Variants in AACS observed in about 807,000 individuals in gnomAD.
AACS encodes acetoacetate-CoA ligase.
AACS carries 69 observed loss-of-function variants against 83.1 expected under a neutral mutation model. That is an observed-to-expected ratio of 0.83 (90% CI 0.68 to 1.01). The LOEUF is 1.01. Among genes scored for constraint, AACS ranks in the 50% least tolerant of loss-of-function variants. The pLI is 0.00. For missense variants in AACS, 866 were observed against 882.2 expected, an observed-to-expected ratio of 0.98 and a Z score of 0.23; for synonymous variants, 333 against 343.4, an observed-to-expected ratio of 0.97 and a Z score of 0.33.
At chr12:125,102,545 A>T in intron 5 of AACS, 134 bp from the exon 6 acceptor site, 1 of 754,366 alleles carries the variant, frequency 1.3e-6, no homozygotes, top group East Asian at 2.6e-5. Flanking sequence ...GCTCACTCCA[A>T]CCTTGAACTC....
At chr12:125,102,876 A>G (rs1188932012) in intron 6 of AACS, 83 bp downstream of exon 6, 3 of 1,427,492 alleles carry the variant, frequency 2.1e-6, no homozygotes, top group African/African-American at 2.8e-5. Context: ...CAATCTGGGT[A>G]GTCTCTGCCC....
At chr12:125,076,376 C>A in intron 2 of AACS, 115 bp from the exon 3 acceptor site, 1 of 1,425,910 alleles carries the variant, frequency 7.0e-7, no homozygotes, top group Non-Finnish European at 9.6e-7. Flanking sequence ...AATGAGTGAG[C>A]TGGCTTCCTG....
chr12:125,140,670 T>G lies in AACS; in HGVS notation c.1882-1422T>G, dbSNP rs1233854210. On this transcript the variant is annotated intron_variant, in intron 17 of 17. Coordinates refer to ENST00000316519, the MANE Select transcript of AACS (RefSeq NM_023928.5). The surrounding 1 kb of genome is among the most constrained non-coding windows in gnomAD (Gnocchi z 5.1). ...TCACTGGGCTCTGTTGCTCCTGAAGTTTCCTAGCCCACAACACACCAACAC... is the reference window on the plus strand; with the variant it reads ...TCACTGGGCTCTGTTGCTCCTGAAGGTTCCTAGCCCACAACACACCAACAC... 6.6e-6 allele frequency: 1 copy of G among 151,920 alleles called. No individual in the cohort carries two copies. Among genetic ancestry groups the G allele is most frequent in the Non-Finnish European group, 1.5e-5 (1 of 68,006 alleles). 9.4% of individuals were successfully genotyped at this position (151,920 alleles called of 1,614,324 possible). A position where few individuals can be genotyped will look rare whatever the true frequency, so the allele number is the denominator to read the frequency against.
chr12:125,141,844 C>A lies in AACS; in HGVS notation c.1882-248C>A, dbSNP rs898493307. 12 of 478,144 alleles carry A rather than the reference C, an allele frequency of 2.5e-5. 1 individual carries two copies. The South Asian group carries it at 3.3e-4, about 13-fold the overall frequency. The allele number at this position is 478,144 out of a possible 1,614,324, so 29.6% of individuals were successfully genotyped here. On this transcript the variant is annotated intron_variant, in intron 17 of 17. Coordinates refer to ENST00000316519, the MANE Select transcript of AACS (RefSeq NM_023928.5). The stretch of plus-strand genomic sequence containing the variant: ...GGAGAGTGTTAGAGTTGAGTTTCAG[C>A]ACCAGTCCTTGAAAGTGCCTTTCAG...
At position 125,124,913 on chromosome 12, in the gene AACS, A is replaced by T. The variant is rs41508644; in HGVS notation, c.1198A>T (p.Ser400Cys). The change falls in exon 12 of 18, where the codon AGT becomes TGT. Residue 400 changes from serine (S) to cysteine (C), a missense_variant. Ser to Cys is a moderately radical substitution (Grantham distance 112, BLOSUM62 -1). Transcript: ENST00000316519. ...ACTCTGCACCCCAGTGGAAACCCAC[A>T]GTCTCCAGATGCTCCACACGATCCT... The part of the protein sequence containing the change: ...EKAMKPVETH[S>C]LQMLHTILST... 308 of 1,614,220 alleles carry T rather than the reference A, an allele frequency of 1.9e-4. 2 individuals carry two copies. The East Asian group carries it at 6.8e-3, about 36-fold the overall frequency.
At chr12:125,070,462 G>T (rs1955830075) in intron 1 of AACS, among the ~76,000 whole-genome samples, 1 of 152,126 alleles carries the variant, frequency 6.6e-6, no homozygotes, top group African/African-American at 2.4e-5. Flanking sequence ...TCATGCCACT[G>T]CACTCCAGCC....
chr12:125,071,479 G>C (rs1282898007), intron 1 of AACS, among the ~76,000 whole-genome samples: 2 of 152,158 alleles, frequency 1.3e-5, no homozygotes, highest in Non-Finnish European at 2.9e-5. Flanking sequence ...CATATACTAG[G>C]TAGAAAAATT....
chr12:125,068,430 G>A (rs1405185731), intron 1 of AACS, among the ~76,000 whole-genome samples: 2 of 152,204 alleles, frequency 1.3e-5, no homozygotes, highest in Non-Finnish European at 2.9e-5. Context: ...CTGCACTGCA[G>A]CCTGGGCGAC....
chr12:125,081,418 C>T (rs1003530664), intron 3 of AACS, among the ~76,000 whole-genome samples: 4 of 152,150 alleles, frequency 2.6e-5, no homozygotes, highest in African/African-American at 4.8e-5. Context: ...CCTAAGCAGC[C>T]GATTATTGGC....
At position 125,103,061 on chromosome 12, in the gene AACS, C is replaced by A; in HGVS notation, c.747C>A (p.Asp249Glu). 10 of 1,613,990 alleles carry A rather than the reference C, an allele frequency of 6.2e-6. No homozygotes were observed. The highest frequency in any genetic ancestry group is 2.2e-5 in the East Asian group (1 of 44,882). The change falls in exon 7 of 18, where the codon GAC becomes GAA. Residue 249 changes from aspartate to glutamate, a missense_variant. Asp to Glu is a conservative substitution (Grantham distance 45). Coordinates refer to ENST00000316519, the MANE Select transcript of AACS (RefSeq NM_023928.5). ...ATGTGTCCTCCAGAGAGAACATAGA[C>A]CTTTCAAAGATTCCAAACAGGTAAT... ...IPYVSSRENI[D>E]LSKIPNSVFL...
intron 16 of AACS, chr12:125,136,101 G>A (rs1957396822): frequency 6.5e-6 from 1 of 153,830 alleles, no homozygotes; most frequent in Admixed American, 6.4e-5. Flanking sequence ...CCAGGCTGGG[G>A]GGCAGTGGCG....
chr12:125,133,173 G>C (rs1957350908), intron 14 of AACS, among the ~76,000 whole-genome samples: 1 of 152,328 alleles, frequency 6.6e-6, no homozygotes, highest in African/African-American at 2.4e-5. Context: ...GCTGGTGGTG[G>C]TGTCAGCAGG....
intron 5 of AACS, among the ~76,000 whole-genome samples, chr12:125,096,581 C>G (rs1434857658): frequency 6.6e-6 from 1 of 152,114 alleles, no homozygotes; most frequent in Non-Finnish European, 1.5e-5. Flanking sequence ...TGCAGGGATA[C>G]CTTGTCCAGG....
chr12:125,070,125 A>C, intron 1 of AACS, among the ~76,000 whole-genome samples: 1 of 152,282 alleles, frequency 6.6e-6, no homozygotes, highest in African/African-American at 2.4e-5. Context: ...ACCAGGTGGA[A>C]GTTGCTAGGG....
intron 16 of AACS, chr12:125,136,006 A>G (rs1203047330): frequency 2.0e-5 from 3 of 152,514 alleles, no homozygotes; most frequent in Non-Finnish European, 4.4e-5. Context: ...TCGGCCTCCC[A>G]AAGTGCTGGA....
intron 1 of AACS, among the ~76,000 whole-genome samples, chr12:125,072,435 T>A (rs1419886666): frequency 2.6e-5 from 4 of 152,208 alleles, no homozygotes; most frequent in Non-Finnish European, 4.4e-5. Context: ...AAGCTTGACT[T>A]CACTGATGGC....
intron 8 of AACS, 157 bp from the exon 9 acceptor site, chr12:125,114,318 TGG>T: frequency 1.8e-6 from 1 of 561,576 alleles, no homozygotes; most frequent in South Asian, 2.3e-5. Flanking sequence ...CACAGGGGAG[TGG>T]GGGGAACCCT....
At position 125,090,147 on chromosome 12, in the gene AACS, C is replaced by T. The variant is rs78901455; in HGVS notation, c.473-1279C>T. Among the ~76,000 whole-genome samples the T allele has an allele frequency of 1.4e-3, 15 of 10,786 alleles. 1 individual carries two copies. Among genetic ancestry groups the T allele is most frequent in the South Asian group, 4.6e-3 (1 of 218 alleles). 7.1% of individuals were successfully genotyped at this position (10,786 alleles called of 152,430 possible). ...TCCATTTATCATCCATCACCATCAT[C>T]CATCCATCTATCCATCCATCCTGTC... On this transcript the variant is annotated intron_variant, in intron 4 of 17. Transcript: ENST00000316519.
At chr12:125,090,351 A>G (rs1228929781) in intron 4 of AACS, among the ~76,000 whole-genome samples, 1 of 146,652 alleles carries the variant, frequency 6.8e-6, no homozygotes, top group Non-Finnish European at 1.5e-5. Flanking sequence ...CCACCTACCC[A>G]TTTATCCGTC....
Sources: allele counts gnomAD v4.1 joint callset (sites outside exome capture counted in the v4.1 genomes callset), GRCh38; gene constraint gnomAD v4.1.1; non-coding constraint Gnocchi (gnomAD v3.1); transcripts MANE v1.5; gene names NCBI Gene and HGNC (gene_info 2026-07-23, HGNC 2026-07-21).